Variants in SPMIP4 observed in about 807,000 individuals in gnomAD.
SPMIP4 encodes the protein sperm-associated microtubule inner protein 4.
At chr7:25,136,389 G>T in the SPMIP4 span, 19 of 1,614,096 alleles carry the variant, frequency 1.2e-5, no homozygotes, top group South Asian at 1.9e-4. This position sits in a 1 kb window ranked among gnomAD's most constrained non-coding sequence, Gnocchi z 5.7. Context: ...AGTAAGGTGT[G>T]GGTTGGGTTT....
chr7:25,175,836 T>C, the SPMIP4 span, among the ~76,000 whole-genome samples: 2 of 152,188 alleles, frequency 1.3e-5, no homozygotes, highest in African/African-American at 4.8e-5. Context: ...TTACCACCAG[T>C]ATCCTGTTAT....
At chr7:25,156,080 T>C in the SPMIP4 span, among the ~76,000 whole-genome samples, 4 of 152,226 alleles carry the variant, frequency 2.6e-5, no homozygotes, top group Non-Finnish European at 5.9e-5. Context: ...TATTCCATAC[T>C]GGAGCAGGGT....
chr7:25,150,820 T>A, the SPMIP4 span, among the ~76,000 whole-genome samples: 1 of 152,146 alleles, frequency 6.6e-6, no homozygotes, highest in Non-Finnish European at 1.5e-5. Flanking sequence ...CCTTAGGAGG[T>A]TATTGAAAGG....
chr7:25,176,941 CAGTGTTT>C, the SPMIP4 span, among the ~76,000 whole-genome samples: 2 of 152,212 alleles, frequency 1.3e-5, no homozygotes, highest in African/African-American at 4.8e-5. This position sits in a 1 kb window ranked among gnomAD's most constrained non-coding sequence, Gnocchi z 4.4. Context: ...CTGTGAGAAT[CAGTGTTT>C]AGTCTGGCAA....
chr7:25,169,683 T>G, the SPMIP4 span, among the ~76,000 whole-genome samples: 1 of 152,146 alleles, frequency 6.6e-6, no homozygotes, highest in Non-Finnish European at 1.5e-5. Context: ...CAAGTGATTC[T>G]CCTGTCTCAG....
the SPMIP4 span, among the ~76,000 whole-genome samples, chr7:25,148,260 G>A: frequency 2.0e-5 from 3 of 152,148 alleles, no homozygotes; most frequent in African/African-American, 7.2e-5. Flanking sequence ...CTGGCAATAG[G>A]AAAGGTAAAT....
At chr7:25,159,990 A>G in the SPMIP4 span, among the ~76,000 whole-genome samples, 1 of 46,020 alleles carries the variant, frequency 2.2e-5, no homozygotes, top group African/African-American at 1.5e-4. Context: ...ATTCGAAATG[A>G]AAAAAAAAAA....
the SPMIP4 span, among the ~76,000 whole-genome samples, chr7:25,148,726 T>G: frequency 6.6e-6 from 1 of 152,162 alleles, no homozygotes; most frequent in African/African-American, 2.4e-5. Flanking sequence ...CCACCTGCCT[T>G]GGCCTCCCAA....
the SPMIP4 span, among the ~76,000 whole-genome samples, chr7:25,141,408 C>T: frequency 8.6e-5 from 13 of 151,928 alleles, no homozygotes; most frequent in Non-Finnish European, 1.5e-4. Context: ...CCCGTCTCTA[C>T]TACAAATACA....
At chr7:25,142,646 A>AATG in the SPMIP4 span, 1 of 1,607,870 alleles carries the variant, frequency 6.2e-7, no homozygotes, top group Non-Finnish European at 8.5e-7. Flanking sequence ...ATACCTGTAA[A>AATG]ATCATGAGTG....
chr7:25,136,809 A>G, the SPMIP4 span: 2 of 1,592,686 alleles, frequency 1.3e-6, no homozygotes, highest in Non-Finnish European at 1.7e-6. The surrounding 1 kb of genome is among the most constrained non-coding windows in gnomAD (Gnocchi z 5.7). Context: ...GTTGTGGGAT[A>G]AAAAGGAGAA....
the SPMIP4 span, among the ~76,000 whole-genome samples, chr7:25,147,507 C>G: frequency 0.24 from 36,456 of 151,886 alleles, 4,918 homozygotes; most frequent in East Asian, 0.31. Context: ...GCTAGGGCAG[C>G]TCTGGGGTCT....
chr7:25,151,803 T>C, the SPMIP4 span: 7 of 566,052 alleles, frequency 1.2e-5, no homozygotes, highest in African/African-American at 1.9e-5. Context: ...TTTACCTATG[T>C]AGTTACAGCT....
At chr7:25,149,231 T>C in the SPMIP4 span, among the ~76,000 whole-genome samples, 1 of 151,754 alleles carries the variant, frequency 6.6e-6, no homozygotes, top group African/African-American at 2.4e-5. Flanking sequence ...TGAGACTTCA[T>C]CTCTTAAAAA....
the SPMIP4 span, among the ~76,000 whole-genome samples, chr7:25,138,451 TAACTA>T: frequency 1.3e-5 from 2 of 152,198 alleles, no homozygotes; most frequent in Non-Finnish European, 2.9e-5. This position sits in a 1 kb window ranked among gnomAD's most constrained non-coding sequence, Gnocchi z 6.2. Flanking sequence ...GGCTGGTCTC[TAACTA>T]CTAGGCTCAA....
At chr7:25,161,309 A>G in the SPMIP4 span, 174 of 1,034,574 alleles carry the variant, frequency 1.7e-4, no homozygotes, top group Middle Eastern at 2.2e-3. Context: ...AATTAACACA[A>G]TATAATGGTG....
At chr7:25,148,578 G>A in the SPMIP4 span, among the ~76,000 whole-genome samples, 1 of 146,128 alleles carries the variant, frequency 6.8e-6, no homozygotes, top group Non-Finnish European at 1.5e-5. Flanking sequence ...GAGTTCATGC[G>A]ATTCTCCTGC....
At chr7:25,154,764 G>T in the SPMIP4 span, among the ~76,000 whole-genome samples, 4 of 152,264 alleles carry the variant, frequency 2.6e-5, no homozygotes, top group East Asian at 1.9e-4. Context: ...CAACGTTTTG[G>T]TTTCTGATTG....
At chr7:25,128,959 G>T in the SPMIP4 span, among the ~76,000 whole-genome samples, 2 of 152,216 alleles carry the variant, frequency 1.3e-5, no homozygotes, top group Non-Finnish European at 1.5e-5. This position sits in a 1 kb window ranked among gnomAD's most constrained non-coding sequence, Gnocchi z 4.5. Context: ...ATGAAATGGG[G>T]GCCTCCCCCT....
Sources: gnomAD v4.1 joint callset for allele counts (sites outside exome capture counted in the v4.1 genomes callset) on GRCh38, gnomAD v4.1.1 for gene constraint, Gnocchi (gnomAD v3.1) non-coding constraint, MANE v1.5 for transcripts, NCBI Gene and HGNC (gene_info 2026-07-23, HGNC 2026-07-21) for gene names.